ANKRD17: variants seen among roughly 807,000 people sequenced by gnomAD.
The protein encoded by ANKRD17 is ankyrin repeat domain 17.
A neutral mutation model predicts 229.7 loss-of-function variants in ANKRD17; 19 were observed. That is an observed-to-expected ratio of 0.08 (90% CI 0.06 to 0.12). ANKRD17 has a LOEUF of 0.12. Ranked by LOEUF, ANKRD17 falls within the 10% of genes least tolerant of loss-of-function variation. ANKRD17 has a pLI of 1.00. For missense variants in ANKRD17, 2,176 were observed against 3,176.8 expected (o/e 0.68, Z 7.57); for synonymous variants, 1,112 against 1,146.1 (o/e 0.97, Z 0.60).
At chr4:73,164,638 C>T (rs1732989673) in intron 2 of ANKRD17, among the ~76,000 whole-genome samples, 1 of 151,760 alleles carries the variant, frequency 6.6e-6, no homozygotes, top group African/African-American at 2.4e-5. Context: ...TAAAAATACA[C>T]AAAATTAGCT....
At chr4:73,223,397 G>A (rs759477182) in intron 1 of ANKRD17, among the ~76,000 whole-genome samples, 15 of 152,200 alleles carry the variant, frequency 9.9e-5, no homozygotes, top group African/African-American at 2.7e-4. Context: ...AGTGGGTTAC[G>A]CAGCAATTTA....
intron 24 of ANKRD17, among the ~76,000 whole-genome samples, chr4:73,105,960 A>G (rs1156270614): frequency 3.3e-5 from 5 of 152,228 alleles, no homozygotes; most frequent in Non-Finnish European, 7.3e-5. Flanking sequence ...AAGAGTAACT[A>G]AACCATGAAG....
Position 73,210,457 on chromosome 4 carries a change from G to T in ANKRD17, c.394-32924C>A, listed in dbSNP as rs868279992. Among the ~76,000 whole-genome samples, 7 of 152,100 alleles carry T rather than the reference G, an allele frequency of 4.6e-5. No homozygotes were observed. The South Asian group carries it at 1.4e-3, about 31-fold the overall frequency. ...AAAATATAAATAAATGAGTGTGTGT[G>T]TATATGTGTCATGCTCACTGTGTGG... On this transcript the variant is annotated intron_variant, in intron 1 of 33. Transcript: ENST00000358602.
chr4:73,161,439 A>C, intron 2 of ANKRD17, 91 bp from the exon 3 acceptor site: 1 of 1,303,112 alleles, frequency 7.7e-7, no homozygotes, highest in Non-Finnish European at 1.1e-6. Context: ...GTGTATGTTA[A>C]CAAATAACCT....
intron 1 of ANKRD17, among the ~76,000 whole-genome samples, chr4:73,231,769 C>T (rs556007999): frequency 5.9e-5 from 9 of 152,276 alleles, no homozygotes; most frequent in Non-Finnish European, 1.5e-5. Flanking sequence ...GGATTTTCAG[C>T]CCCAACTCCC....
At chr4:73,143,674 T>C (rs1157901660) in intron 11 of ANKRD17, among the ~76,000 whole-genome samples, 2 of 152,208 alleles carry the variant, frequency 1.3e-5, no homozygotes, top group East Asian at 3.8e-4. Context: ...AAACTTGAGA[T>C]TTCGTTACTA....
chr4:73,121,185 T>C lies in ANKRD17; in HGVS notation c.3636-91A>G, dbSNP rs778232624. The C allele has an allele frequency of 6.1e-6, 7 of 1,142,656 alleles. No homozygotes were observed. In the South Asian group the frequency reaches 9.1e-5, roughly 15 times the overall value. 70.8% of individuals were successfully genotyped at this position (1,142,656 alleles called of 1,614,324 possible). A position where few individuals can be genotyped will look rare whatever the true frequency, so the allele number is the denominator to read the frequency against. On this transcript the variant is annotated intron_variant, in intron 19 of 33. Coordinates refer to ENST00000358602, the MANE Select transcript of ANKRD17 (RefSeq NM_032217.5). Reference sequence around the variant, plus strand: ...GATGATATATAATTCTAATCTAAGATTATTTTGAAGGATTGTTTAAAATAT... The same window carrying C: ...GATGATATATAATTCTAATCTAAGACTATTTTGAAGGATTGTTTAAAATAT...
chr4:73,206,041 A>G (rs763374861), intron 1 of ANKRD17, among the ~76,000 whole-genome samples: 8 of 152,198 alleles, frequency 5.3e-5, no homozygotes, highest in Non-Finnish European at 1.0e-4. Flanking sequence ...AGACACTACC[A>G]TTCAGGGGTT....
intron 27 of ANKRD17, among the ~76,000 whole-genome samples, chr4:73,096,643 G>C (rs1315201673): frequency 6.6e-6 from 1 of 152,034 alleles, no homozygotes; most frequent in Admixed American, 6.6e-5. Context: ...CTCCTTTTAC[G>C]TTTCTGAGAT....
At chr4:73,179,444 A>G (rs1021156807) in intron 1 of ANKRD17, among the ~76,000 whole-genome samples, 2 of 140,372 alleles carry the variant, frequency 1.4e-5, no homozygotes, top group African/African-American at 5.2e-5. Flanking sequence ...GTGTGTATAT[A>G]TATCTGTGTA....
chr4:73,159,766 G>T (rs10938069), intron 3 of ANKRD17, among the ~76,000 whole-genome samples: 151,952 of 152,258 alleles, frequency 1, 75,824 homozygotes, highest in South Asian at 1. Flanking sequence ...CAATGATATT[G>T]TAGGCTAGTA....
chr4:73,134,791 C>T (rs1376781290), intron 16 of ANKRD17, among the ~76,000 whole-genome samples: 1 of 152,024 alleles, frequency 6.6e-6, no homozygotes, highest in Non-Finnish European at 1.5e-5. Flanking sequence ...TTATATATTT[C>T]AAACCATATC....
At chr4:73,134,989 T>G (rs1728708816) in intron 16 of ANKRD17, 128 bp downstream of exon 16, 3 of 900,964 alleles carry the variant, frequency 3.3e-6, no homozygotes, top group Non-Finnish European at 4.8e-6. Flanking sequence ...TTTAATTAAT[T>G]TAAAACTGGC....
At chr4:73,104,628 G>A (rs1292499914) in intron 24 of ANKRD17, among the ~76,000 whole-genome samples, 1 of 152,046 alleles carries the variant, frequency 6.6e-6, no homozygotes, top group Non-Finnish European at 1.5e-5. Flanking sequence ...AATGCTTTGG[G>A]GGAGAATCAA....
chr4:73,241,684 A>T (rs1275761166), intron 1 of ANKRD17, among the ~76,000 whole-genome samples: 1 of 152,180 alleles, frequency 6.6e-6, no homozygotes, highest in African/African-American at 2.4e-5. Context: ...CTGTAAAATG[A>T]GTATCTTTAC....
chr4:73,141,897 A>G, intron 13 of ANKRD17, 54 bp from the exon 14 acceptor site: 1 of 1,314,548 alleles, frequency 7.6e-7, no homozygotes, highest in Non-Finnish European at 1.1e-6. Context: ...CCATTAAGTA[A>G]TATGCTCTAA....
chr4:73,098,911 C>A, intron 25 of ANKRD17: 1 of 1,098,940 alleles, frequency 9.1e-7, no homozygotes, highest in East Asian at 2.4e-5. Context: ...GCAGGCCCCG[C>A]AAGCAGCCTC....
Position 73,073,982 on chromosome 4 carries a change from T to C in ANKRD17, c.*2249A>G, listed in dbSNP as rs995817390. ...AGACCTTCATGGTCTCAAAAAGTTA[T>C]GGGTTTTTTTATTGTTCAAATAAAA... On this transcript the variant is annotated 3_prime_UTR_variant, in exon 34 of 34. Transcript: ENST00000358602. 6.6e-6 allele frequency: 1 copy of C among 152,014 alleles called. No homozygotes were observed. The highest frequency in any genetic ancestry group is 2.4e-5 in the African/African-American group (1 of 41,446). 9.4% of individuals were successfully genotyped at this position (152,014 alleles called of 1,614,324 possible).
intron 2 of ANKRD17, among the ~76,000 whole-genome samples, chr4:73,172,576 A>C (rs1378846623): frequency 6.6e-6 from 1 of 152,230 alleles, no homozygotes; most frequent in Non-Finnish European, 1.5e-5. Flanking sequence ...AAGATTAACA[A>C]ATCAAAAATA....
Sources: gnomAD v4.1 joint callset for allele counts (sites outside exome capture counted in the v4.1 genomes callset) on GRCh38, gnomAD v4.1.1 for gene constraint, MANE v1.5 for transcripts, NCBI Gene and HGNC (gene_info 2026-07-23, HGNC 2026-07-21) for gene names.